The following MINDY3 variants were observed in gnomAD, a reference collection of about 807,000 sequenced individuals.
The protein encoded by MINDY3 is MINDY lysine 48 deubiquitinase 3, also known as ubiquitin carboxyl-terminal hydrolase MINDY-3.
In MINDY3, 38 loss-of-function variants were observed where a neutral mutation model predicts 69.2. The observed-to-expected ratio is 0.55, with a 90% confidence interval of 0.42 to 0.72. The LOEUF (loss-of-function observed/expected upper bound fraction) is 0.72, where lower values mean the gene tolerates loss of function less well. MINDY3 is among the 30% of genes least tolerant of loss of function. The pLI is 0.00. For missense variants in MINDY3, 522 were observed against 519.0 expected (o/e 1.01, Z -0.06); for synonymous variants, 192 against 180.1 (o/e 1.07, Z -0.53).
intron 1 of MINDY3, chr10:15,857,881 A>T (rs1834806818): frequency 1.1e-6 from 1 of 891,570 alleles, no homozygotes; most frequent in South Asian, 5.2e-5. Context: ...TAATTGTATA[A>T]ATATTCATGC....
chr10:15,807,851 A>G (rs1367578504), intron 10 of MINDY3, among the ~76,000 whole-genome samples: 1 of 152,236 alleles, frequency 6.6e-6, no homozygotes, highest in Non-Finnish European at 1.5e-5. Flanking sequence ...ATACAGCTGC[A>G]TAAGGCAAAG....
At position 15,789,318 on chromosome 10, in the gene MINDY3, A is replaced by T; in HGVS notation, c.957T>A (p.Asp319Glu). The stretch of plus-strand genomic sequence containing the variant: ...GAAGTGAATCGGGTATGAATCCATT[A>T]TCTAGGGGGGAAAAAATCAGAAACA... ...RRVFQTYDPE[D>E]NGFIPDSLLE... The change falls in exon 12 of 15, where the codon GAT becomes GAA. Residue 319 changes from aspartate (D) to glutamate (E), a missense_variant and splice_region_variant. Asp to Glu is a conservative substitution (Grantham distance 45). Transcript: ENST00000277632. 1 of 1,609,414 alleles carries T rather than the reference A, an allele frequency of 6.2e-7. No individual in the cohort carries two copies.
At chr10:15,798,204 G>C (rs149864164) in intron 10 of MINDY3, among the ~76,000 whole-genome samples, 3 of 152,148 alleles carry the variant, frequency 2.0e-5, no homozygotes, top group African/African-American at 7.2e-5. Flanking sequence ...AGAAAAGGGA[G>C]TATCAGGTTA....
chr10:15,854,725 T>G (rs1386197622), intron 1 of MINDY3, among the ~76,000 whole-genome samples: 1 of 152,090 alleles, frequency 6.6e-6, no homozygotes, highest in Non-Finnish European at 1.5e-5. Flanking sequence ...AAGATTTAAC[T>G]ACATTTGTAT....
intron 1 of MINDY3, among the ~76,000 whole-genome samples, chr10:15,848,422 C>A (rs937981646): frequency 2.0e-5 from 3 of 151,798 alleles, no homozygotes; most frequent in Non-Finnish European, 4.4e-5. Flanking sequence ...ATCACGAGGT[C>A]AGGAGATCGA....
At chr10:15,826,062 A>C (rs1375703063) in intron 8 of MINDY3, among the ~76,000 whole-genome samples, 1 of 152,200 alleles carries the variant, frequency 6.6e-6, no homozygotes, top group South Asian at 2.1e-4. Context: ...TGACAAAATT[A>C]ATCTACAGAA....
intron 1 of MINDY3, among the ~76,000 whole-genome samples, chr10:15,852,667 T>C (rs1460392992): frequency 6.6e-6 from 1 of 152,118 alleles, no homozygotes; most frequent in African/African-American, 2.4e-5. Context: ...ATCATGTCAT[T>C]GGGAATACTA....
chr10:15,798,641 G>A (rs1838021475), intron 10 of MINDY3, among the ~76,000 whole-genome samples: 1 of 152,018 alleles, frequency 6.6e-6, no homozygotes, highest in Admixed American at 6.6e-5. Flanking sequence ...ATAGCTGGGT[G>A]TGGTGGCAGG....
Position 15,796,169 on chromosome 10 carries a change from T to C in MINDY3, c.886A>G (p.Met296Val). ...GGAGCTTCAGGGGCAACTAAAGCCA[T>C]ATCCTGAAAAGATAAGAAGCATGTT... The part of the protein sequence containing the change: ...THLTVFFAKD[M>V]ALVAPEAPSE... The change falls in exon 11 of 15, where the codon ATG becomes GTG. Residue 296 changes from methionine (M) to valine (V), a missense_variant. Physicochemically the swap from Met to Val is conservative, Grantham distance 21. Transcript: ENST00000277632. 2 of 1,612,230 alleles carry C rather than the reference T, an allele frequency of 1.2e-6. No individual in the cohort carries two copies. The highest frequency in any genetic ancestry group is 2.2e-5 in the South Asian group (2 of 90,978).
chr10:15,849,231 A>G (rs184492019), intron 1 of MINDY3, among the ~76,000 whole-genome samples: 95 of 152,302 alleles, frequency 6.2e-4, no homozygotes, highest in Admixed American at 2.0e-3. Context: ...AGCTAAAGAA[A>G]ATACCTTAAT....
intron 9 of MINDY3, among the ~76,000 whole-genome samples, chr10:15,819,854 T>C (rs948603244): frequency 4.6e-5 from 7 of 152,194 alleles, no homozygotes; most frequent in Admixed American, 2.0e-4. Context: ...ACAGCAGCGA[T>C]TGACTTCCCA....
At chr10:15,803,732 C>CTCTA (rs1326852304) in intron 10 of MINDY3, among the ~76,000 whole-genome samples, 1 of 151,914 alleles carries the variant, frequency 6.6e-6, no homozygotes, top group East Asian at 1.9e-4. Context: ...AAACATGCTA[C>CTCTA]TCTATCTTTA....
intron 10 of MINDY3, among the ~76,000 whole-genome samples, chr10:15,804,814 C>A (rs1588550333): frequency 6.6e-6 from 1 of 152,088 alleles, no homozygotes; most frequent in African/African-American, 2.4e-5. Flanking sequence ...GCAAGATTAA[C>A]AGAATTCAGT....
In MINDY3 at chr10:15,802,750, A is replaced by G. The variant is rs115333932; in HGVS notation, c.883-6578T>C. 3.7e-3 allele frequency among the ~76,000 whole-genome samples: 556 copies of G among 152,262 alleles called. 6 individuals carry two copies. The highest frequency in any genetic ancestry group is 0.012 in the African/African-American group (492 of 41,570). On this transcript the variant is annotated intron_variant, in intron 10 of 14. Transcript: ENST00000277632. ...ACCCAGTGATACTGGTTAGGCTCCA[A>G]ATAACAAAACCACCAACTGTAACTG...
Position 15,834,683 on chromosome 10 carries a change from T to G in MINDY3, c.577-67A>C. 3 of 1,096,388 alleles carry G rather than the reference T, an allele frequency of 2.7e-6. No homozygotes were observed. In the South Asian group the frequency reaches 3.9e-5, roughly 14 times the overall value. The allele number at this position is 1,096,388 out of a possible 1,614,324, so 67.9% of individuals were successfully genotyped here. On this transcript the variant is annotated intron_variant, in intron 6 of 14. Coordinates refer to ENST00000277632, the MANE Select transcript of MINDY3 (RefSeq NM_024948.4). ...ATGAAAATTATGACTGTTTAAAAACTGACTAGTTTACACTATAAACTAATA... is the reference window on the plus strand; with the variant it reads ...ATGAAAATTATGACTGTTTAAAAACGGACTAGTTTACACTATAAACTAATA...
intron 10 of MINDY3, among the ~76,000 whole-genome samples, chr10:15,807,524 C>CT (rs1838721645): frequency 6.6e-6 from 1 of 151,984 alleles, no homozygotes; most frequent in African/African-American, 2.4e-5. Context: ...CATACAAGAC[C>CT]TTTTTTTGTA....
intron 1 of MINDY3, among the ~76,000 whole-genome samples, chr10:15,852,912 C>T (rs1298906917): frequency 6.6e-6 from 1 of 152,106 alleles, no homozygotes; most frequent in African/African-American, 2.4e-5. Flanking sequence ...ATTCCCTAAA[C>T]AATACAATGT....
chr10:15,790,282 A>G (rs370379555), intron 11 of MINDY3, among the ~76,000 whole-genome samples: 51 of 152,242 alleles, frequency 3.3e-4, no homozygotes, highest in African/African-American at 1.1e-3. Flanking sequence ...CCTCTTTTCT[A>G]TTCTTAAACC....
chr10:15,824,663 T>C (rs147404137), intron 8 of MINDY3, among the ~76,000 whole-genome samples: 1 of 152,320 alleles, frequency 6.6e-6, no homozygotes, highest in East Asian at 1.9e-4. Flanking sequence ...AAAGAATACA[T>C]ACATTGGGAA....
Sources: allele counts gnomAD v4.1 joint callset (sites outside exome capture counted in the v4.1 genomes callset), GRCh38; gene constraint gnomAD v4.1.1; transcripts MANE v1.5; gene names NCBI Gene and HGNC (gene_info 2026-07-23, HGNC 2026-07-21).